Variants in GARIN5B observed in about 807,000 individuals in gnomAD.
The protein encoded by GARIN5B is Golgi-associated RAB2 interactor protein 5B.
At chr19:55,359,674 G>A in the GARIN5B span, 4 of 1,551,604 alleles carry the variant, frequency 2.6e-6, no homozygotes, top group Non-Finnish European at 3.5e-6. Flanking sequence ...CCTTCTGGCA[G>A]GGTGGTGGCC....
the GARIN5B span, chr19:55,360,683 T>C: frequency 6.4e-7 from 1 of 1,550,942 alleles, no homozygotes; most frequent in Non-Finnish European, 8.7e-7. Context: ...GCCCCGGGTA[T>C]AAGGCTGGCC....
At chr19:55,361,345 G>T in the GARIN5B span, 1 of 1,540,954 alleles carries the variant, frequency 6.5e-7, no homozygotes, top group Non-Finnish European at 8.8e-7. Context: ...AGAGCCAAAG[G>T]GTGCAGCTCT....
At chr19:55,359,752 G>A in the GARIN5B span, 4 of 1,551,284 alleles carry the variant, frequency 2.6e-6, no homozygotes, top group African/African-American at 4.1e-5. Flanking sequence ...AGTAGGGTGT[G>A]GAGAGGCAGG....
the GARIN5B span, chr19:55,362,225 C>T: frequency 6.6e-7 from 1 of 1,508,106 alleles, no homozygotes; most frequent in Non-Finnish European, 8.9e-7. Context: ...ATGCCCTGGT[C>T]TGTGGAGCTG....
chr19:55,362,548 G>T, the GARIN5B span: 18 of 1,528,890 alleles, frequency 1.2e-5, 1 homozygote, highest in South Asian at 1.5e-4. Flanking sequence ...GGGGTGGAGG[G>T]GGCGGCCGAG....
chr19:55,355,242 C>CA, the GARIN5B span: 1 of 1,344,664 alleles, frequency 7.4e-7, no homozygotes, highest in East Asian at 3.3e-5. Flanking sequence ...GGCAGATCTC[C>CA]AGGGTCTTAA....
chr19:55,362,949 G>T, the GARIN5B span: 5 of 1,505,288 alleles, frequency 3.3e-6, no homozygotes, highest in Middle Eastern at 1.7e-4. Flanking sequence ...ATGGGCAGCG[G>T]ACGGAGGGGC....
At chr19:55,358,900 C>A in the GARIN5B span, 1 of 1,550,674 alleles carries the variant, frequency 6.4e-7, no homozygotes, top group Non-Finnish European at 8.7e-7. Context: ...CAGGCAGGTC[C>A]GGGGACCTCT....
chr19:55,359,681 G>A, the GARIN5B span: 1 of 1,551,558 alleles, frequency 6.4e-7, no homozygotes, highest in Non-Finnish European at 8.7e-7. Context: ...GCAGGGTGGT[G>A]GCCCCGGCCC....
chr19:55,361,475 C>T, the GARIN5B span: 1 of 1,463,016 alleles, frequency 6.8e-7, no homozygotes, highest in Non-Finnish European at 9.1e-7. Context: ...CGGGCTTCCA[C>T]ATCTCCATAA....
the GARIN5B span, chr19:55,362,232 G>C: frequency 2.6e-6 from 4 of 1,516,666 alleles, no homozygotes; most frequent in Admixed American, 2.1e-5. Flanking sequence ...GGTCTGTGGA[G>C]CTGGGATCCC....
the GARIN5B span, chr19:55,359,773 A>G: frequency 6.4e-7 from 1 of 1,551,128 alleles, no homozygotes; most frequent in African/African-American, 1.4e-5. Context: ...CAGCCGGGGG[A>G]TAGGGAGCCA....
the GARIN5B span, chr19:55,361,110 TG>T: frequency 6.4e-7 from 1 of 1,551,122 alleles, no homozygotes; most frequent in East Asian, 2.4e-5. Context: ...GCGCCTGGAG[TG>T]GGTGAGGAAG....
the GARIN5B span, among the ~76,000 whole-genome samples, chr19:55,355,681 C>A: frequency 6.6e-6 from 1 of 152,094 alleles, no homozygotes; most frequent in Non-Finnish European, 1.5e-5. Flanking sequence ...CACTGACAGC[C>A]AAATGTACGA....
At chr19:55,361,228 A>T in the GARIN5B span, 4 of 1,551,114 alleles carry the variant, frequency 2.6e-6, no homozygotes, top group Non-Finnish European at 2.6e-6. Context: ...AGTTGCGCTC[A>T]GCAACCCTGA....
At chr19:55,361,362 G>C in the GARIN5B span, 1 of 1,538,142 alleles carries the variant, frequency 6.5e-7, no homozygotes, top group South Asian at 1.2e-5. Flanking sequence ...CTCTGTCCCT[G>C]CGACGGGGAG....
chr19:55,362,755 G>A, the GARIN5B span: 2 of 1,517,364 alleles, frequency 1.3e-6, no homozygotes, highest in Non-Finnish European at 1.8e-6. Flanking sequence ...GGGAGAGGGG[G>A]CTGGGACCAC....
At chr19:55,358,640 C>G in the GARIN5B span, 1 of 1,551,338 alleles carries the variant, frequency 6.4e-7, no homozygotes, top group Non-Finnish European at 8.7e-7. Flanking sequence ...GGACAGCTGG[C>G]CGGGGCGGGA....
At chr19:55,361,403 T>C in the GARIN5B span, 6 of 1,525,890 alleles carry the variant, frequency 3.9e-6, no homozygotes, top group East Asian at 1.5e-4. Flanking sequence ...CAGCAGGGCC[T>C]GCTCACCTGC....
Sources: gnomAD v4.1 joint callset for allele counts (sites outside exome capture counted in the v4.1 genomes callset) on GRCh38, gnomAD v4.1.1 for gene constraint, MANE v1.5 for transcripts, NCBI Gene and HGNC (gene_info 2026-07-23, HGNC 2026-07-21) for gene names.